Variants in SAMD13 observed in about 807,000 individuals in gnomAD.
SAMD13 encodes the protein sterile alpha motif domain-containing protein 13.
Under a neutral mutation model 12.4 loss-of-function variants are expected in SAMD13, and 9 were observed. The observed-to-expected ratio is 0.72, with a 90% CI of 0.44 to 1.26. SAMD13 has a LOEUF of 1.26. SAMD13 is among the 50% of genes most tolerant of loss of function. The probability of loss-of-function intolerance (pLI) is 0.00; values close to 1 mark genes in which losing one functional copy is unlikely to be tolerated. For synonymous variants in SAMD13, 46 were observed against 45.4 expected, an observed-to-expected ratio of 1.01 and a Z score of -0.05; for missense variants, 84 against 119.6, an observed-to-expected ratio of 0.70 and a Z score of 1.39.
intron 2 of SAMD13, among the ~76,000 whole-genome samples, chr1:84,321,156 TA>T (rs1490371947): frequency 6.6e-6 from 1 of 152,152 alleles, no homozygotes; most frequent in Admixed American, 6.6e-5. Flanking sequence ...TGTGTCTCTT[TA>T]ACGCTCATTA....
At position 84,345,054 on chromosome 1, in the gene SAMD13, G is replaced by A. The variant is rs184338477; in HGVS notation, c.166-4577G>A. 710 of 456,656 alleles carry A rather than the reference G, an allele frequency of 1.6e-3. 4 individuals are homozygous for A. The highest frequency in any genetic ancestry group is 0.012 in the Middle Eastern group (36 of 3,076). The allele number at this position is 456,656 out of a possible 1,614,324, so 28.3% of individuals were successfully genotyped here. Reference sequence around the variant, plus strand: ...TGATGTGGCTCCCATATTGGACACAGGATTTTCCACTTTTTTATCTCTGGG... The same window carrying A: ...TGATGTGGCTCCCATATTGGACACAAGATTTTCCACTTTTTTATCTCTGGG... On this transcript the variant is annotated intron_variant, in intron 3 of 3. Coordinates refer to ENST00000394834, the MANE Select transcript of SAMD13 (RefSeq NM_001134663.2).
chr1:84,342,203 C>T (rs1052570119), intron 3 of SAMD13, among the ~76,000 whole-genome samples: 6 of 152,100 alleles, frequency 3.9e-5, no homozygotes, highest in Non-Finnish European at 7.4e-5. Flanking sequence ...TCTGTAGTTG[C>T]GTATCCTGCA....
chr1:84,300,155 A>C (rs1293560891), upstream of SAMD13, among the ~76,000 whole-genome samples: 1 of 152,104 alleles, frequency 6.6e-6, no homozygotes, highest in Non-Finnish European at 1.5e-5. Context: ...AGCGTTAAGG[A>C]ATCTGTTAGT....
chr1:84,340,416 G>T (rs1281926299), intron 3 of SAMD13, among the ~76,000 whole-genome samples: 1 of 152,174 alleles, frequency 6.6e-6, no homozygotes, highest in African/African-American at 2.4e-5. Context: ...AGGTTTGGGG[G>T]AGTAGGGAGT....
intron 1 of SAMD13, 193 bp from the exon 2 acceptor site, chr1:84,303,010 A>AC (rs1382233570): frequency 1.4e-5 from 7 of 492,472 alleles, no homozygotes; most frequent in African/African-American, 1.4e-4. Context: ...AGATGAAAGC[A>AC]CCCCAATCCG....
At chr1:84,345,158 C>T (rs958970852) in intron 3 of SAMD13, 2 of 456,310 alleles carry the variant, frequency 4.4e-6, no homozygotes, top group African/African-American at 4.0e-5. Flanking sequence ...GACTGGTCAC[C>T]ATTTGTAGCC....
At chr1:84,319,876 C>T (rs1678904848) in intron 2 of SAMD13, among the ~76,000 whole-genome samples, 1 of 152,150 alleles carries the variant, frequency 6.6e-6, no homozygotes, top group African/African-American at 2.4e-5. Flanking sequence ...GATGTTCCAT[C>T]TGTCTGGAGT....
In SAMD13 at chr1:84,303,305, C is replaced by T. The variant is rs1678491669; in HGVS notation, c.53+18C>T. On this transcript the variant is annotated intron_variant, in intron 2 of 3. Transcript: ENST00000394834. ...GTAAAAAAGTAAGTGAAGCTGGCTT[C>T]TGAGTTCTGCTTCTGCAAACAACAG... The T allele has an allele frequency of 6.3e-7, 1 of 1,593,078 alleles. No individual in the cohort carries two copies. Among genetic ancestry groups the T allele is most frequent in the East Asian group, 2.2e-5 (1 of 44,708 alleles).
At chr1:84,347,216 C>T (rs1484392711) in intron 3 of SAMD13, among the ~76,000 whole-genome samples, 2 of 152,146 alleles carry the variant, frequency 1.3e-5, no homozygotes, top group Non-Finnish European at 2.9e-5. Flanking sequence ...TTCCTTTGAG[C>T]TGCTCTAGTC....
intron 3 of SAMD13, among the ~76,000 whole-genome samples, chr1:84,337,151 G>A (rs952031687): frequency 5.9e-5 from 9 of 152,184 alleles, no homozygotes; most frequent in South Asian, 2.1e-4. Context: ...CTGGGTGCAC[G>A]GTGCAAGCTG....
intron 3 of SAMD13, among the ~76,000 whole-genome samples, chr1:84,343,684 A>G (rs1049978646): frequency 1.3e-5 from 2 of 152,084 alleles, no homozygotes; most frequent in African/African-American, 4.8e-5. Flanking sequence ...GAGGGGAACA[A>G]CACACACTGG....
At chr1:84,304,541 A>C (rs1338478768) in intron 2 of SAMD13, among the ~76,000 whole-genome samples, 1 of 152,174 alleles carries the variant, frequency 6.6e-6, no homozygotes, top group East Asian at 1.9e-4. Flanking sequence ...AATAAATTGC[A>C]TGTGTGTAAA....
chr1:84,303,068 GA>G, intron 1 of SAMD13, 134 bp from the exon 2 acceptor site: 2 of 644,348 alleles, frequency 3.1e-6, no homozygotes, highest in Non-Finnish European at 5.3e-6. Flanking sequence ...ATCGCCGAGG[GA>G]ACTGGAGATT....
intron 1 of SAMD13, chr1:84,302,526 ACT>A (rs1370925157): frequency 8.6e-6 from 2 of 233,566 alleles, no homozygotes; most frequent in African/African-American, 5.3e-5. Context: ...TGAGTTACCT[ACT>A]CTTTCTTACA....
intron 3 of SAMD13, among the ~76,000 whole-genome samples, chr1:84,338,361 G>A (rs1181312303): frequency 6.6e-6 from 1 of 151,690 alleles, no homozygotes; most frequent in African/African-American, 2.4e-5. Context: ...AGGCAAGGAG[G>A]AGCAAGTCAC....
intron 2 of SAMD13, among the ~76,000 whole-genome samples, chr1:84,315,248 C>G (rs934769529): frequency 6.6e-6 from 1 of 152,072 alleles, no homozygotes; most frequent in Non-Finnish European, 1.5e-5. Flanking sequence ...CTCCCCCTTT[C>G]CCCCTTCCTT....
intron 3 of SAMD13, among the ~76,000 whole-genome samples, chr1:84,329,637 C>T (rs1234717854): frequency 6.6e-6 from 1 of 152,186 alleles, no homozygotes; most frequent in Non-Finnish European, 1.5e-5. Context: ...TGCAGGCACC[C>T]CACTGCCACA....
At chr1:84,342,619 T>C (rs1411945367) in intron 3 of SAMD13, among the ~76,000 whole-genome samples, 2 of 152,202 alleles carry the variant, frequency 1.3e-5, no homozygotes, top group Non-Finnish European at 2.9e-5. Context: ...AGATTCTCTA[T>C]TTAATAAATG....
At chr1:84,308,049 T>G (rs1185980867) in intron 2 of SAMD13, among the ~76,000 whole-genome samples, 1 of 152,204 alleles carries the variant, frequency 6.6e-6, no homozygotes, top group Non-Finnish European at 1.5e-5. Context: ...GGACTGACCT[T>G]TGCACAGCCT....
Sources: gnomAD v4.1 joint callset for allele counts (sites outside exome capture counted in the v4.1 genomes callset) on GRCh38, gnomAD v4.1.1 for gene constraint, MANE v1.5 for transcripts, NCBI Gene and HGNC (gene_info 2026-07-23, HGNC 2026-07-21) for gene names.